Variants in TMEM108 observed in about 807,000 individuals in gnomAD.
The protein encoded by TMEM108 is transmembrane protein 108.
In TMEM108, 12 loss-of-function variants were observed where a neutral mutation model predicts 35.1. The ratio of observed to expected loss-of-function variants is 0.34; its 90% CI spans 0.22 to 0.55. TMEM108 has a LOEUF of 0.55. TMEM108 is among the 20% of genes least tolerant of loss of function. The pLI, the probability that TMEM108 is intolerant of heterozygous loss-of-function variation, is 0.89. For synonymous variants in TMEM108, 287 were observed against 308.6 expected (o/e 0.93, Z 0.73); for missense variants, 680 against 753.3 (o/e 0.90, Z 1.14).
At chr3:133,303,708 A>G (rs1007834761) in intron 3 of TMEM108, among the ~76,000 whole-genome samples, 8 of 152,204 alleles carry the variant, frequency 5.3e-5, no homozygotes, top group African/African-American at 1.9e-4. Flanking sequence ...TGATTGATCA[A>G]ATCACATGTA....
At chr3:133,273,058 C>T (rs1946795387) in intron 3 of TMEM108, among the ~76,000 whole-genome samples, 1 of 152,098 alleles carries the variant, frequency 6.6e-6, no homozygotes, top group East Asian at 1.9e-4. Flanking sequence ...ATTGTGTGTA[C>T]ATTTAGGGGT....
intron 2 of TMEM108, among the ~76,000 whole-genome samples, chr3:133,104,457 C>CT (rs1011407644): frequency 6.6e-6 from 1 of 152,076 alleles, no homozygotes; most frequent in Admixed American, 6.6e-5. Context: ...GACTTTCAGG[C>CT]TTTTTTTCTT....
chr3:133,153,341 T>C lies in TMEM108; in HGVS notation c.-46-75925T>C, dbSNP rs570674736. Among the ~76,000 whole-genome samples, 5 of 152,280 alleles carry C rather than the reference T, an allele frequency of 3.3e-5. No individual in the cohort carries two copies. The East Asian group carries it at 9.6e-4, about 29-fold the overall frequency. On this transcript the variant is annotated intron_variant, in intron 2 of 5. Transcript: ENST00000321871. ...GCTCAAGTGGAAGCATTTGGCAAAA[T>C]TCAAATGAAAGTAATACCTACAACA...
intron 2 of TMEM108, among the ~76,000 whole-genome samples, chr3:133,158,943 G>A (rs1944921174): frequency 6.6e-6 from 1 of 152,050 alleles, no homozygotes; most frequent in South Asian, 2.1e-4. Context: ...CCATGTATAT[G>A]TGTTTAGCAG....
At chr3:133,130,222 C>T (rs1398022994) in intron 2 of TMEM108, among the ~76,000 whole-genome samples, 2 of 152,134 alleles carry the variant, frequency 1.3e-5, no homozygotes, top group Non-Finnish European at 2.9e-5. Context: ...ATGACATTTG[C>T]ATTCAGTGTC....
chr3:133,050,978 G>GTTTTT (rs58955436), intron 2 of TMEM108, among the ~76,000 whole-genome samples: 1 of 145,368 alleles, frequency 6.9e-6, no homozygotes, highest in Non-Finnish European at 1.5e-5. Flanking sequence ...CTGTGTGCGA[G>GTTTTT]TTTTTTTTTT....
chr3:133,179,076 C>G (rs1468022500), intron 2 of TMEM108, among the ~76,000 whole-genome samples: 6 of 152,006 alleles, frequency 3.9e-5, no homozygotes, highest in Non-Finnish European at 8.8e-5. Flanking sequence ...CACTGGCCAT[C>G]AGAGAAATGC....
chr3:133,302,415 CTTTTTTTT>C (rs927704510), intron 3 of TMEM108, among the ~76,000 whole-genome samples: 7 of 110,102 alleles, frequency 6.4e-5, no homozygotes, highest in African/African-American at 2.5e-4. Flanking sequence ...TTCTTTCTTT[CTTTTTTTT>C]TTTTTTTTTT....
At position 133,246,646 on chromosome 3, in the gene TMEM108, GGCCACAGCTGAGTAA is replaced by G. The variant is rs374983640; in HGVS notation, c.40+17302_40+17316del. Reference sequence around the variant, plus strand: ...GACTCCACAACAACCCTGCCCAGGTGGCCACAGCTGAGTAAGCCACATCTCATGCACTCACTCCAC... The same window carrying G: ...GACTCCACAACAACCCTGCCCAGGTGGCCACATCTCATGCACTCACTCCAC... On this transcript the variant is annotated intron_variant, in intron 3 of 5. Coordinates refer to ENST00000321871, the MANE Select transcript of TMEM108 (RefSeq NM_023943.4). 2.9e-3 allele frequency: 443 copies of G among 152,264 alleles called. 2 individuals carry two copies. The highest frequency in any genetic ancestry group is 0.01 in the African/African-American group (431 of 41,506). 9.4% of individuals were successfully genotyped at this position (152,264 alleles called of 1,614,324 possible).
rs1944136334 is a variant in TMEM108, at chr3:133,105,296, C to T, written c.-47+59276C>T. On this transcript the variant is annotated intron_variant, in intron 2 of 5. Transcript: ENST00000321871. ...TCATTCTCAGCTTCTAGAGGCTGTC[C>T]ATGTTCCTTGGTCCATGGCTCTCTT... 2.0e-5 allele frequency among the ~76,000 whole-genome samples: 3 copies of T among 152,120 alleles called. No homozygotes were observed. In the South Asian group the frequency reaches 6.2e-4, roughly 32 times the overall value.
chr3:133,042,667 G>A (rs532772256), intron 1 of TMEM108, among the ~76,000 whole-genome samples: 3 of 152,334 alleles, frequency 2.0e-5, no homozygotes, highest in African/African-American at 7.2e-5. Context: ...GATCCTAACA[G>A]TTCAGAGTAG....
intron 3 of TMEM108, among the ~76,000 whole-genome samples, chr3:133,296,290 C>T (rs987931477): frequency 6.6e-5 from 10 of 152,230 alleles, no homozygotes; most frequent in Admixed American, 3.9e-4. Flanking sequence ...ATTTAAATCT[C>T]GGAGTATCTG....
intron 2 of TMEM108, among the ~76,000 whole-genome samples, chr3:133,225,792 T>A (rs958290268): frequency 6.6e-6 from 1 of 152,202 alleles, no homozygotes; most frequent in African/African-American, 2.4e-5. Flanking sequence ...ATTGTTCTAG[T>A]TGAAGAATGA....
At chr3:133,325,383 T>C (rs2071317551) in intron 3 of TMEM108, among the ~76,000 whole-genome samples, 1 of 152,196 alleles carries the variant, frequency 6.6e-6, no homozygotes, top group African/African-American at 2.4e-5. Flanking sequence ...ACTGCTTAGG[T>C]GATGAGTGCA....
chr3:133,148,090 A>G (rs902991199), intron 2 of TMEM108, among the ~76,000 whole-genome samples: 1 of 152,244 alleles, frequency 6.6e-6, no homozygotes, highest in African/African-American at 2.4e-5. Flanking sequence ...TATACATACA[A>G]ATATTTTCCA....
At chr3:133,263,855 C>T (rs945284129) in intron 3 of TMEM108, among the ~76,000 whole-genome samples, 1 of 152,092 alleles carries the variant, frequency 6.6e-6, no homozygotes, top group African/African-American at 2.4e-5. Flanking sequence ...TTGTTTTTTT[C>T]CTTTAACTTG....
intron 2 of TMEM108, among the ~76,000 whole-genome samples, chr3:133,211,452 A>C (rs1472488808): frequency 2.0e-5 from 3 of 152,228 alleles, no homozygotes; most frequent in Non-Finnish European, 4.4e-5. Flanking sequence ...GTGCAGTCAA[A>C]ATGATAGAAC....
At position 133,354,792 on chromosome 3, in the gene TMEM108, C is replaced by T. The variant is rs549419385; in HGVS notation, c.41-24960C>T. Among the ~76,000 whole-genome samples the T allele has an allele frequency of 5.9e-5, 8 of 134,494 alleles. No individual in the cohort carries two copies. In the South Asian group the frequency reaches 1.5e-3, roughly 24 times the overall value. The allele number at this position is 134,494 out of a possible 152,430, so 88.2% of individuals were successfully genotyped here. The stretch of plus-strand genomic sequence containing the variant: ...GCTTGTCACATTCTACTTTAAATGT[C>T]ATATAACCATTTTTTTTTCAAATGG... On this transcript the variant is annotated intron_variant, in intron 3 of 5. Coordinates refer to ENST00000321871, the MANE Select transcript of TMEM108 (RefSeq NM_023943.4).
intron 4 of TMEM108, among the ~76,000 whole-genome samples, chr3:133,382,811 TTATATCCGGAGTCTAGATTC>T (rs1452498814): frequency 6.6e-6 from 1 of 152,226 alleles, no homozygotes; most frequent in African/African-American, 2.4e-5. Context: ...CAAGATCTTT[TTATATCCGGAGTCTAGATTC>T]TTTTCAGGAG....
Sources: allele counts gnomAD v4.1 joint callset (sites outside exome capture counted in the v4.1 genomes callset), GRCh38; gene constraint gnomAD v4.1.1; transcripts MANE v1.5; gene names NCBI Gene and HGNC (gene_info 2026-07-23, HGNC 2026-07-21).